Variants in BCR observed in about 807,000 individuals in gnomAD.
BCR encodes breakpoint cluster region protein.
A neutral mutation model predicts 138.6 loss-of-function variants in BCR; 58 were observed. That is an observed-to-expected ratio of 0.42 (90% CI 0.34 to 0.52). The LOEUF is 0.52. BCR is among the 20% of genes least tolerant of loss of function. The pLI, the probability that BCR is intolerant of heterozygous loss-of-function variation, is 0.06. For synonymous variants in BCR, 786 were observed against 730.1 expected (o/e 1.08, Z -1.23); for missense variants, 1,599 against 1,727.2 (o/e 0.93, Z 1.32).
intron 1 of BCR, among the ~76,000 whole-genome samples, chr22:23,191,536 T>G (rs776273974): frequency 6.6e-6 from 1 of 152,220 alleles, no homozygotes; most frequent in Non-Finnish European, 1.5e-5. Context: ...TGCAGCTGTT[T>G]CCTGTTAATC....
intron 16 of BCR, 22 bp from the exon 17 acceptor site, chr22:23,309,402 A>C (rs1178938788): frequency 1.1e-5 from 18 of 1,576,164 alleles, no homozygotes; most frequent in Non-Finnish European, 1.6e-5. Flanking sequence ...GGCCTCTGCC[A>C]ATCATGACTC....
At chr22:23,300,326 T>A (rs1360086754) in intron 16 of BCR, among the ~76,000 whole-genome samples, 5 of 152,232 alleles carry the variant, frequency 3.3e-5, no homozygotes, top group African/African-American at 9.6e-5. Context: ...TTGGGTCTGG[T>A]TTATTTCACT....
At chr22:23,312,782 C>T (rs1403614377) in intron 19 of BCR, 105 bp from the exon 20 acceptor site, 13 of 1,380,602 alleles carry the variant, frequency 9.4e-6, no homozygotes, top group Middle Eastern at 2.5e-4. Flanking sequence ...GAGGGACCCG[C>T]ACAGTGGTCA....
chr22:23,259,563 C>CT (rs1428182806), intron 2 of BCR, among the ~76,000 whole-genome samples: 2 of 150,816 alleles, frequency 1.3e-5, no homozygotes, highest in Non-Finnish European at 2.9e-5. Flanking sequence ...GTTGCCCAGG[C>CT]TGGAGTGCCA....
At chr22:23,240,231 G>T (rs1348984972) in intron 1 of BCR, among the ~76,000 whole-genome samples, 1 of 151,846 alleles carries the variant, frequency 6.6e-6, no homozygotes, top group Non-Finnish European at 1.5e-5. Flanking sequence ...TATGAATTTA[G>T]GAGGGAACAC....
At chr22:23,288,919 G>A (rs866861393) in intron 12 of BCR, among the ~76,000 whole-genome samples, 4 of 152,168 alleles carry the variant, frequency 2.6e-5, no homozygotes, top group Admixed American at 6.5e-5. Flanking sequence ...GACCTCCCGC[G>A]CCCTCAGGCT....
intron 1 of BCR, among the ~76,000 whole-genome samples, chr22:23,202,742 T>TGTGTGTGC (rs1317483881): frequency 4.1e-5 from 6 of 148,020 alleles, no homozygotes; most frequent in Admixed American, 6.7e-5. Flanking sequence ...TGTGTGTGTG[T>TGTGTGTGC]GTGTGTATAT....
At chr22:23,279,891 A>G (rs1390017775) in intron 8 of BCR, among the ~76,000 whole-genome samples, 1 of 152,130 alleles carries the variant, frequency 6.6e-6, no homozygotes, top group African/African-American at 2.4e-5. Flanking sequence ...GAGGCTGGAG[A>G]TCCGGCAGGG....
chr22:23,204,052 G>T lies in BCR; in HGVS notation c.1279+21813G>T, dbSNP rs185665638. On this transcript the variant is annotated intron_variant, in intron 1 of 22. Coordinates refer to ENST00000305877, the MANE Select transcript of BCR (RefSeq NM_004327.4). ...GGAGGGCAGATAATGGTGAGACCAC[G>T]TTTGGAGGGAGGGCAGCATGGTGTC... is the stretch of plus-strand genomic sequence containing the variant. Among the ~76,000 whole-genome samples the T allele has an allele frequency of 2.6e-4, 40 of 152,310 alleles. No homozygotes were observed. The East Asian group carries it at 7.5e-3, about 29-fold the overall frequency.
chr22:23,195,012 C>G (rs1209812301), intron 1 of BCR, among the ~76,000 whole-genome samples: 1 of 152,100 alleles, frequency 6.6e-6, no homozygotes, highest in African/African-American at 2.4e-5. Flanking sequence ...AGTGGTGGCT[C>G]ATGCCTGTAA....
At chr22:23,293,781 T>A (rs1029717355) in intron 15 of BCR, among the ~76,000 whole-genome samples, 3 of 152,034 alleles carry the variant, frequency 2.0e-5, no homozygotes, top group Admixed American at 6.5e-5. Flanking sequence ...TTGGGGACAC[T>A]CACATGTTCC....
intron 1 of BCR, among the ~76,000 whole-genome samples, chr22:23,202,721 T>TTGTGTGTGTGTG (rs58577462): frequency 0.028 from 3,964 of 142,624 alleles, 140 homozygotes; most frequent in East Asian, 0.11. Flanking sequence ...ATTCAATTGT[T>TTGTGTGTGTGTG]TGTGTGTGTG....
At chr22:23,187,160 A>G (rs1027015614) in intron 1 of BCR, among the ~76,000 whole-genome samples, 1 of 152,150 alleles carries the variant, frequency 6.6e-6, no homozygotes, top group Admixed American at 6.6e-5. Flanking sequence ...CCATGGGGTC[A>G]GGACTGGGGA....
chr22:23,227,771 C>T (rs916214957), intron 1 of BCR, among the ~76,000 whole-genome samples: 7 of 152,186 alleles, frequency 4.6e-5, no homozygotes, highest in Non-Finnish European at 7.3e-5. Context: ...GATTCAGTTT[C>T]CAGGGTGGTT....
At chr22:23,275,664 G>C (rs886985887) in intron 8 of BCR, among the ~76,000 whole-genome samples, 11 of 152,226 alleles carry the variant, frequency 7.2e-5, no homozygotes, top group African/African-American at 2.7e-4. Flanking sequence ...GAGCAAACCT[G>C]TGACAAACCT....
chr22:23,288,605 C>T (rs1370357032), intron 12 of BCR, among the ~76,000 whole-genome samples: 3 of 152,204 alleles, frequency 2.0e-5, no homozygotes, highest in South Asian at 2.1e-4. Context: ...CTCCCCGCCC[C>T]CTGGGCCTTC....
chr22:23,295,217 T>C lies in BCR; in HGVS notation c.3012+62T>C, dbSNP rs2073832345. 3 of 1,244,686 alleles carry C rather than the reference T, an allele frequency of 2.4e-6. No individual in the cohort carries two copies. The African/African-American group carries it at 4.7e-5, about 19-fold the overall frequency. The allele number at this position is 1,244,686 out of a possible 1,614,324, so 77.1% of individuals were successfully genotyped here. On this transcript the variant is annotated intron_variant, in intron 16 of 22. Transcript: ENST00000305877. ...ATGGCGTCCTTTTTCATGCAGCCCCTGGGGACACTGAGATGGTCATGGCCT... is the reference window on the plus strand; with the variant it reads ...ATGGCGTCCTTTTTCATGCAGCCCCCGGGGACACTGAGATGGTCATGGCCT...
At chr22:23,305,238 A>G (rs2073944827) in intron 16 of BCR, among the ~76,000 whole-genome samples, 1 of 142,002 alleles carries the variant, frequency 7.0e-6, no homozygotes, top group Non-Finnish European at 1.5e-5. Context: ...CTCAGCAAAG[A>G]CCCACCCCCG....
intron 1 of BCR, among the ~76,000 whole-genome samples, chr22:23,237,479 C>G (rs1041937325): frequency 2.6e-5 from 4 of 152,210 alleles, no homozygotes; most frequent in Admixed American, 1.3e-4. Context: ...ATGACAGTTT[C>G]GAGTTTCAGG....
Sources: gnomAD v4.1 joint callset for allele counts (sites outside exome capture counted in the v4.1 genomes callset) on GRCh38, gnomAD v4.1.1 for gene constraint, MANE v1.5 for transcripts, NCBI Gene and HGNC (gene_info 2026-07-23, HGNC 2026-07-21) for gene names.